Variants in CDH9 observed in about 807,000 individuals in gnomAD.
The protein encoded by CDH9 is cadherin-9.
Under a neutral mutation model 70.9 loss-of-function variants are expected in CDH9, and 28 were observed. The observed-to-expected ratio is 0.40, with a 90% CI of 0.29 to 0.54. The LOEUF (loss-of-function observed/expected upper bound fraction) is 0.54, where lower values mean the gene tolerates loss of function less well. Among genes scored for constraint, CDH9 ranks in the 20% least tolerant of loss-of-function variants. The pLI is 0.59. For missense variants in CDH9, 874 were observed against 984.4 expected (o/e 0.89, Z 1.50); for synonymous variants, 409 against 343.1 (o/e 1.19, Z -2.12).
At position 26,988,402 on chromosome 5, in the gene CDH9, A is replaced by T. The variant is rs897169439; in HGVS notation, c.-49-20T>A. ...TTTTTCCTAAAGAGTAAGGAGAAAAAAAATGGCTGTATTAGCTTGAGTTTC... is the reference window on the plus strand; with the variant it reads ...TTTTTCCTAAAGAGTAAGGAGAAAATAAATGGCTGTATTAGCTTGAGTTTC... On this transcript the variant is annotated intron_variant, in intron 1 of 11. Transcript: ENST00000231021. 1.3e-6 allele frequency: 2 copies of T among 1,561,216 alleles called. No individual in the cohort carries two copies. Among genetic ancestry groups the T allele is most frequent in the African/African-American group, 1.4e-5 (1 of 73,216 alleles).
chr5:26,907,028 A>T (rs1025086060), intron 3 of CDH9, among the ~76,000 whole-genome samples, 190 bp from the exon 4 acceptor site: 2 of 152,232 alleles, frequency 1.3e-5, no homozygotes, highest in African/African-American at 4.8e-5. Context: ...GTGTTTCTTA[A>T]TTTTTTTGTT....
chr5:26,907,342 T>C (rs1214195521), intron 3 of CDH9, among the ~76,000 whole-genome samples: 4 of 152,094 alleles, frequency 2.6e-5, no homozygotes, highest in Admixed American at 6.5e-5. Flanking sequence ...TGCTGTAAAA[T>C]TGACCTGCAA....
At chr5:26,997,084 C>T (rs1336957893) in intron 1 of CDH9, among the ~76,000 whole-genome samples, 1 of 151,802 alleles carries the variant, frequency 6.6e-6, no homozygotes, top group Admixed American at 6.6e-5. Flanking sequence ...ATAAAAATAA[C>T]ATCATATATT....
chr5:27,003,177 C>G (rs1479613455), intron 1 of CDH9, among the ~76,000 whole-genome samples: 4 of 152,056 alleles, frequency 2.6e-5, no homozygotes, highest in African/African-American at 9.7e-5. Context: ...CAGGTTGGCA[C>G]TCAAACAGTT....
chr5:27,022,087 A>G (rs1315348301), intron 1 of CDH9, among the ~76,000 whole-genome samples: 2 of 152,020 alleles, frequency 1.3e-5, no homozygotes. Context: ...ATAACACTAT[A>G]GATAAAACAC....
intron 2 of CDH9, among the ~76,000 whole-genome samples, chr5:26,980,300 CT>C (rs541126619): frequency 3.4e-4 from 52 of 151,806 alleles, no homozygotes; most frequent in Non-Finnish European, 6.2e-4. Flanking sequence ...TTATTGAACA[CT>C]TTTTTTATGC....
At position 27,038,460 on chromosome 5, in the gene CDH9, T is replaced by G. The variant is rs945878647; in HGVS notation, c.-50+3A>C. 10 of 152,000 alleles carry G rather than the reference T, an allele frequency of 6.6e-5. No homozygotes were observed. Among genetic ancestry groups the G allele is most frequent in the African/African-American group, 1.9e-4 (8 of 41,424 alleles). 9.4% of individuals were successfully genotyped at this position (152,000 alleles called of 1,614,324 possible). On this transcript the variant is annotated splice_donor_region_variant and intron_variant, in intron 1 of 11. Transcript: ENST00000231021. ...ATTGTCAAGCAAAGTAAATAACACT[T>G]ACCTTGCTTAACAATGGAACTGAGT...
At chr5:26,916,766 A>G (rs925782894) in intron 2 of CDH9, among the ~76,000 whole-genome samples, 1 of 151,888 alleles carries the variant, frequency 6.6e-6, no homozygotes, top group African/African-American at 2.4e-5. Flanking sequence ...TCAGAGAGAG[A>G]AAGAGATTTG....
intron 2 of CDH9, among the ~76,000 whole-genome samples, chr5:26,926,943 CAAAGAA>C (rs912218177): frequency 8.4e-6 from 1 of 119,342 alleles, no homozygotes; most frequent in African/African-American, 3.3e-5. Flanking sequence ...AAAAAAGAAA[CAAAGAA>C]AGAAAATAAA....
intron 2 of CDH9, among the ~76,000 whole-genome samples, chr5:26,943,155 C>G (rs1019773020): frequency 1.3e-5 from 2 of 152,036 alleles, no homozygotes; most frequent in Non-Finnish European, 2.9e-5. Context: ...AAACACAAAA[C>G]CTTGATCTTT....
chr5:26,889,821 A>T lies in CDH9; in HGVS notation c.1512+15T>A. ...AGAAAATATATTCTTTTAAGTTTTT[A>T]ATGATTTTATTTACCTGCCCAGGTT... On this transcript the variant is annotated intron_variant, in intron 9 of 11. Transcript: ENST00000231021. 2 of 1,499,562 alleles carry T rather than the reference A, an allele frequency of 1.3e-6. No homozygotes were observed. The highest frequency in any genetic ancestry group is 1.8e-6 in the Non-Finnish European group (2 of 1,085,484). 92.9% of individuals were successfully genotyped at this position (1,499,562 alleles called of 1,614,324 possible).
intron 11 of CDH9, among the ~76,000 whole-genome samples, chr5:26,882,978 G>A (rs561586579): frequency 1.4e-5 from 2 of 142,238 alleles, no homozygotes; most frequent in African/African-American, 2.6e-5. Flanking sequence ...AAGATAATTA[G>A]AAGTATCTGT....
intron 3 of CDH9, among the ~76,000 whole-genome samples, chr5:26,908,930 AG>A (rs1740998080): frequency 6.6e-6 from 1 of 152,196 alleles, no homozygotes; most frequent in Non-Finnish European, 1.5e-5. Flanking sequence ...TGTAATTAAA[AG>A]TTAAAAGCAT....
intron 1 of CDH9, among the ~76,000 whole-genome samples, chr5:27,001,842 A>ACTCTCTCTCTCTCTCTCT (rs1430161167): frequency 6.4e-5 from 8 of 125,938 alleles, no homozygotes; most frequent in African/African-American, 1.9e-4. Context: ...ACACACACAC[A>ACTCTCTCTCTCTCTCTCT]CACTCTCTCT....
intron 2 of CDH9, among the ~76,000 whole-genome samples, chr5:26,916,601 G>T (rs1741153741): frequency 2.0e-5 from 3 of 151,890 alleles, no homozygotes; most frequent in Admixed American, 2.0e-4. Context: ...CGTAACAAAA[G>T]TTATTTGAAT....
chr5:26,994,887 G>A (rs993086847), intron 1 of CDH9, among the ~76,000 whole-genome samples: 2 of 151,904 alleles, frequency 1.3e-5, no homozygotes, highest in African/African-American at 2.4e-5. Flanking sequence ...ATCTTATCTC[G>A]CTCATCCATA....
chr5:26,984,869 G>A (rs890286595), intron 2 of CDH9, among the ~76,000 whole-genome samples: 9 of 151,994 alleles, frequency 5.9e-5, no homozygotes, highest in Admixed American at 1.3e-4. Context: ...GCATTATTGC[G>A]AAAAACAAAA....
At chr5:26,882,160 C>T (rs1386620959) in intron 11 of CDH9, among the ~76,000 whole-genome samples, 5 of 151,944 alleles carry the variant, frequency 3.3e-5, no homozygotes, top group African/African-American at 9.7e-5. Context: ...TACCACTTCC[C>T]GTATCTCATA....
At chr5:27,006,144 C>T (rs1173448630) in intron 1 of CDH9, among the ~76,000 whole-genome samples, 1 of 151,744 alleles carries the variant, frequency 6.6e-6, no homozygotes, top group African/African-American at 2.4e-5. Flanking sequence ...TTGTAACAAA[C>T]CTTCACAAGT....
Sources: gnomAD v4.1 joint callset for allele counts (sites outside exome capture counted in the v4.1 genomes callset) on GRCh38, gnomAD v4.1.1 for gene constraint, MANE v1.5 for transcripts, NCBI Gene and HGNC (gene_info 2026-07-23, HGNC 2026-07-21) for gene names.